PRKCE: variants seen among roughly 807,000 people sequenced by gnomAD.
The protein encoded by PRKCE is protein kinase C epsilon type.
In PRKCE, 16 loss-of-function variants were observed where a neutral mutation model predicts 85.4. The observed-to-expected ratio is 0.19, with a 90% CI of 0.13 to 0.28. The LOEUF (loss-of-function observed/expected upper bound fraction) is 0.28, where lower values mean the gene tolerates loss of function less well. Ranked by LOEUF, PRKCE falls within the 10% of genes least tolerant of loss-of-function variation. The pLI is 1.00. For missense variants in PRKCE, 573 were observed against 975.2 expected (o/e 0.59, Z 5.49); for synonymous variants, 388 against 371.5 (o/e 1.04, Z -0.51).
intron 2 of PRKCE, among the ~76,000 whole-genome samples, chr2:45,950,798 GGGACAGCAACAGCAGCT>G (rs1383653303): frequency 2.0e-5 from 3 of 152,100 alleles, no homozygotes; most frequent in Non-Finnish European, 4.4e-5. Context: ...GAAGTGCTTG[GGGACAGCAACAGCAGCT>G]GGTGGACAAG....
At chr2:45,933,405 G>A (rs1384087571) in intron 2 of PRKCE, among the ~76,000 whole-genome samples, 2 of 149,376 alleles carry the variant, frequency 1.3e-5, no homozygotes, top group Non-Finnish European at 3.0e-5. Flanking sequence ...AATGTCTTAA[G>A]GATGTTCACC....
intron 2 of PRKCE, among the ~76,000 whole-genome samples, chr2:45,894,723 T>G (rs1242225890): frequency 6.6e-6 from 1 of 152,164 alleles, no homozygotes; most frequent in Admixed American, 6.5e-5. Context: ...GCCTTTTGTG[T>G]TTTTCATTTG....
chr2:46,104,781 A>G (rs1230111081), intron 11 of PRKCE, among the ~76,000 whole-genome samples: 5 of 152,260 alleles, frequency 3.3e-5, no homozygotes, highest in African/African-American at 1.2e-4. Flanking sequence ...GTCCAATGAA[A>G]CCAATCTAGA....
intron 14 of PRKCE, chr2:46,164,944 G>A (rs1038000404): frequency 2.0e-5 from 3 of 152,282 alleles, no homozygotes; most frequent in Non-Finnish European, 4.4e-5. Flanking sequence ...AGATTGTCCA[G>A]ATTCATAGCT....
At chr2:45,744,193 C>T (rs1682834782) in intron 1 of PRKCE, among the ~76,000 whole-genome samples, 1 of 152,064 alleles carries the variant, frequency 6.6e-6, no homozygotes, top group South Asian at 2.1e-4. Context: ...ATAATAGATA[C>T]AATATGCGTA....
At chr2:46,109,583 T>C (rs1454938125) in intron 11 of PRKCE, among the ~76,000 whole-genome samples, 1 of 152,164 alleles carries the variant, frequency 6.6e-6, no homozygotes, top group Non-Finnish European at 1.5e-5. Context: ...TTATGTTTAT[T>C]AATTACAGGA....
intron 2 of PRKCE, among the ~76,000 whole-genome samples, chr2:45,933,991 G>T (rs1202741117): frequency 2.0e-5 from 3 of 152,180 alleles, no homozygotes; most frequent in African/African-American, 7.2e-5. Context: ...CAGTGAATTT[G>T]TCCATATTAT....
At chr2:45,924,432 G>C (rs1573897942) in intron 2 of PRKCE, among the ~76,000 whole-genome samples, 1 of 152,186 alleles carries the variant, frequency 6.6e-6, no homozygotes, top group Admixed American at 6.5e-5. Flanking sequence ...GTTGGGATGG[G>C]TGGAAAGGAA....
intron 1 of PRKCE, among the ~76,000 whole-genome samples, chr2:45,782,841 G>A (rs1013322335): frequency 1.8e-4 from 28 of 152,026 alleles, no homozygotes; most frequent in African/African-American, 6.0e-4. Flanking sequence ...TCCACATGTT[G>A]GCATGTGATT....
At chr2:46,168,069 C>A (rs1235186804) in intron 14 of PRKCE, 1 of 152,184 alleles carries the variant, frequency 6.6e-6, no homozygotes, top group Non-Finnish European at 1.5e-5. Flanking sequence ...TTAGAGAATT[C>A]TGATGGCAGG....
chr2:45,848,069 A>G (rs1351055204), intron 2 of PRKCE, among the ~76,000 whole-genome samples: 2 of 152,214 alleles, frequency 1.3e-5, no homozygotes, highest in African/African-American at 4.8e-5. Context: ...CATAGCAGGC[A>G]TTAGAGCAGT....
At chr2:45,687,162 G>A (rs1400535184) in intron 1 of PRKCE, among the ~76,000 whole-genome samples, 3 of 151,780 alleles carry the variant, frequency 2.0e-5, no homozygotes. Context: ...AAAGCTTCAT[G>A]GACCAACATA....
At chr2:45,928,752 G>GC (rs933008646) in intron 2 of PRKCE, among the ~76,000 whole-genome samples, 20 of 152,108 alleles carry the variant, frequency 1.3e-4, no homozygotes, top group African/African-American at 4.3e-4. Context: ...GCTTTTTCCT[G>GC]CCCCCCACTA....
intron 10 of PRKCE, among the ~76,000 whole-genome samples, chr2:46,027,626 A>G: frequency 6.6e-6 from 1 of 152,246 alleles, no homozygotes; most frequent in Non-Finnish European, 1.5e-5. Context: ...AGGCACTAGC[A>G]TTTTAAATGA....
At chr2:46,011,882 C>T (rs987530945) in intron 10 of PRKCE, among the ~76,000 whole-genome samples, 1 of 152,136 alleles carries the variant, frequency 6.6e-6, no homozygotes, top group Non-Finnish European at 1.5e-5. Context: ...TAAGAAATAT[C>T]GTCTGAAAAT....
intron 1 of PRKCE, among the ~76,000 whole-genome samples, 179 bp from the exon 2 acceptor site, chr2:45,842,821 T>C (rs1293053192): frequency 6.6e-6 from 1 of 152,204 alleles, no homozygotes; most frequent in Non-Finnish European, 1.5e-5. Flanking sequence ...GTGCTACCTA[T>C]GGGGTATGCA....
At chr2:46,169,893 G>A (rs1221810961) in intron 14 of PRKCE, among the ~76,000 whole-genome samples, 6 of 152,224 alleles carry the variant, frequency 3.9e-5, no homozygotes, top group Non-Finnish European at 8.8e-5. Context: ...AAGGGGAAGT[G>A]TTAGACAGAA....
At chr2:45,994,561 G>A (rs894933138) in intron 6 of PRKCE, among the ~76,000 whole-genome samples, 1 of 152,020 alleles carries the variant, frequency 6.6e-6, no homozygotes, top group East Asian at 1.9e-4. Context: ...TTTGAGATTG[G>A]CACCTTTCAC....
At chr2:46,018,111 G>C (rs545290184) in intron 10 of PRKCE, among the ~76,000 whole-genome samples, 5 of 152,184 alleles carry the variant, frequency 3.3e-5, no homozygotes, top group African/African-American at 7.2e-5. Context: ...AGAGGAGCAG[G>C]GTTGATCAGC....
Sources: allele counts gnomAD v4.1 joint callset (sites outside exome capture counted in the v4.1 genomes callset), GRCh38; gene constraint gnomAD v4.1.1; transcripts MANE v1.5; gene names NCBI Gene and HGNC (gene_info 2026-07-23, HGNC 2026-07-21).